The following SPSB4 variants were observed in gnomAD, a reference collection of about 807,000 sequenced individuals.
SPSB4 encodes splA/ryanodine receptor domain and SOCS box containing 4.
A neutral mutation model predicts 20.9 loss-of-function variants in SPSB4; 21 were observed. The ratio of observed to expected loss-of-function variants is 1.01; its 90% CI spans 0.71 to 1.45. The LOEUF is 1.45. Ranked by LOEUF, SPSB4 falls within the 40% of genes most tolerant of loss-of-function variation. The probability of loss-of-function intolerance (pLI) is 0.00; values close to 1 mark genes in which losing one functional copy is unlikely to be tolerated. For missense variants in SPSB4, 399 were observed against 399.2 expected (o/e 1.00, Z 0.00); for synonymous variants, 207 against 183.8 (o/e 1.13, Z -1.02).
chr3:141,060,130 T>C (rs1937733743), intron 1 of SPSB4, among the ~76,000 whole-genome samples: 2 of 152,166 alleles, frequency 1.3e-5, no homozygotes, highest in Non-Finnish European at 2.9e-5. Context: ...TCAGGATCTC[T>C]GCCTGCCTCT....
intron 2 of SPSB4, among the ~76,000 whole-genome samples, chr3:141,087,382 A>T (rs1938365752): frequency 6.6e-6 from 1 of 152,212 alleles, no homozygotes; most frequent in Non-Finnish European, 1.5e-5. Flanking sequence ...GTGAAGTGGT[A>T]GGAAGCACCA....
At position 141,064,845 on chromosome 3, in the gene SPSB4, G is replaced by A. The variant is rs537445836; in HGVS notation, c.-153-1107G>A. ...CTTGGGTTCTGTCTGGTTTCCTAGT[G>A]ATGGTGGCCAATTCCTTCTCCATGA... On this transcript the variant is annotated intron_variant, in intron 1 of 2. Transcript: ENST00000310546. Among the ~76,000 whole-genome samples the A allele has an allele frequency of 1.2e-4, 18 of 152,316 alleles. No homozygotes were observed. The South Asian group carries it at 3.3e-3, about 28-fold the overall frequency.
chr3:141,109,216 A>T (rs1048632438), intron 2 of SPSB4, among the ~76,000 whole-genome samples: 6 of 152,278 alleles, frequency 3.9e-5, no homozygotes, highest in Admixed American at 1.3e-4. Context: ...AAATACACAA[A>T]CAGCAGCAGT....
At chr3:141,071,647 G>A (rs1389169251) in intron 2 of SPSB4, among the ~76,000 whole-genome samples, 6 of 152,142 alleles carry the variant, frequency 3.9e-5, no homozygotes, top group East Asian at 1.9e-4. Context: ...CTATGCCTGG[G>A]CCAACCTGCC....
intron 2 of SPSB4, among the ~76,000 whole-genome samples, chr3:141,081,313 C>T (rs558617054): frequency 6.6e-6 from 1 of 152,326 alleles, no homozygotes; most frequent in African/African-American, 2.4e-5. Flanking sequence ...CCATTCCGAC[C>T]GCGGCTCAAA....
chr3:141,122,081 A>T (rs751470331), intron 2 of SPSB4, among the ~76,000 whole-genome samples: 18 of 151,976 alleles, frequency 1.2e-4, no homozygotes, highest in Non-Finnish European at 1.8e-4. Flanking sequence ...GATGTTGGTG[A>T]CCTACAGATG....
intron 1 of SPSB4, among the ~76,000 whole-genome samples, chr3:141,056,949 C>A (rs1235055520): frequency 6.6e-6 from 1 of 152,262 alleles, no homozygotes; most frequent in Non-Finnish European, 1.5e-5. Context: ...TTGCTGCTCT[C>A]CTTGCTGGCT....
intron 1 of SPSB4, among the ~76,000 whole-genome samples, chr3:141,060,008 C>T (rs933282747): frequency 3.3e-5 from 5 of 152,192 alleles, no homozygotes; most frequent in African/African-American, 4.8e-5. Flanking sequence ...TTTCCCTTAA[C>T]GGCTTATCAT....
intron 2 of SPSB4, among the ~76,000 whole-genome samples, chr3:141,103,684 C>T (rs1223949865): frequency 1.3e-5 from 2 of 152,154 alleles, no homozygotes; most frequent in African/African-American, 2.4e-5. Flanking sequence ...CCTCCAACAG[C>T]GAACTGCCTA....
chr3:141,103,865 C>T (rs1035413097), intron 2 of SPSB4, among the ~76,000 whole-genome samples: 5 of 151,450 alleles, frequency 3.3e-5, no homozygotes, highest in Non-Finnish European at 7.4e-5. Flanking sequence ...CTGAATCCTC[C>T]AGAATGGATT....
intron 2 of SPSB4, among the ~76,000 whole-genome samples, chr3:141,134,500 C>G (rs1216753680): frequency 1.3e-5 from 2 of 152,052 alleles, no homozygotes; most frequent in Non-Finnish European, 1.5e-5. Flanking sequence ...CCCTTCTATG[C>G]CAATTTTGCT....
intron 2 of SPSB4, among the ~76,000 whole-genome samples, chr3:141,131,462 A>C (rs376004018): frequency 1.1e-4 from 17 of 152,272 alleles, no homozygotes; most frequent in African/African-American, 4.1e-4. Flanking sequence ...CAATTCAAGC[A>C]GCAGAAAATT....
At chr3:141,111,127 G>T (rs1182786087) in intron 2 of SPSB4, among the ~76,000 whole-genome samples, 1 of 152,290 alleles carries the variant, frequency 6.6e-6, no homozygotes. Context: ...CACTAGTGCA[G>T]GACTATGTTC....
At chr3:141,060,404 T>A (rs2107776077) in intron 1 of SPSB4, among the ~76,000 whole-genome samples, 1 of 152,294 alleles carries the variant, frequency 6.6e-6, no homozygotes, top group East Asian at 1.9e-4. Context: ...GGAGAGGGCA[T>A]TATTCTAAAC....
At chr3:141,111,423 T>C (rs1173168479) in intron 2 of SPSB4, among the ~76,000 whole-genome samples, 2 of 130,808 alleles carry the variant, frequency 1.5e-5, no homozygotes, top group African/African-American at 5.7e-5. Context: ...CATGGGGTCA[T>C]CATAAGGATT....
chr3:141,070,659 G>A (rs1482855757), intron 2 of SPSB4, among the ~76,000 whole-genome samples: 3 of 152,186 alleles, frequency 2.0e-5, no homozygotes, highest in African/African-American at 4.8e-5. Context: ...GATTACAGGC[G>A]TGAGACACGT....
intron 2 of SPSB4, among the ~76,000 whole-genome samples, chr3:141,116,426 G>A (rs1323978426): frequency 6.6e-6 from 1 of 152,256 alleles, no homozygotes; most frequent in Non-Finnish European, 1.5e-5. Context: ...GAGGGTCAGG[G>A]CCATGGGGCC....
chr3:141,096,236 A>C lies in SPSB4; in HGVS notation c.694+29438A>C, dbSNP rs532423272. On this transcript the variant is annotated intron_variant, in intron 2 of 2. Transcript: ENST00000310546. Reference sequence around the variant, plus strand: ...GGGCCCCAGGGGGAAACAGCTAAATAGTTGAATAAGATGGCACATGAGTTT... The same window carrying C: ...GGGCCCCAGGGGGAAACAGCTAAATCGTTGAATAAGATGGCACATGAGTTT... Among the ~76,000 whole-genome samples, 7 of 152,314 alleles carry C rather than the reference A, an allele frequency of 4.6e-5. No individual in the cohort carries two copies. The South Asian group carries it at 1.4e-3, about 32-fold the overall frequency.
At chr3:141,083,962 A>G (rs1938291439) in intron 2 of SPSB4, among the ~76,000 whole-genome samples, 1 of 152,068 alleles carries the variant, frequency 6.6e-6, no homozygotes, top group Non-Finnish European at 1.5e-5. Flanking sequence ...TTGGGCAGAA[A>G]GCCTGGGCTT....
Sources: allele counts gnomAD v4.1 joint callset (sites outside exome capture counted in the v4.1 genomes callset), GRCh38; gene constraint gnomAD v4.1.1; transcripts MANE v1.5; gene names NCBI Gene and HGNC (gene_info 2026-07-23, HGNC 2026-07-21).